The following SUPT3H variants were observed in gnomAD, a reference collection of about 807,000 sequenced individuals.
SUPT3H encodes the protein SPT3 homolog, SAGA and STAGA complex component, also known as transcription initiation protein SPT3 homolog.
SUPT3H carries 44 observed loss-of-function variants against 44.3 expected under a neutral mutation model. The observed-to-expected ratio is 0.99, with a 90% CI of 0.78 to 1.28. The LOEUF (loss-of-function observed/expected upper bound fraction) is 1.28, where lower values mean the gene tolerates loss of function less well. SUPT3H is among the 50% of genes most tolerant of loss of function. SUPT3H has a pLI of 0.00. For missense variants in SUPT3H, 380 were observed against 387.1 expected (o/e 0.98, Z 0.15); for synonymous variants, 124 against 125.6 (o/e 0.99, Z 0.09).
intron 2 of SUPT3H, among the ~76,000 whole-genome samples, chr6:45,210,932 G>GAAAAGGGAGCA (rs1365337484): frequency 1.3e-5 from 2 of 152,202 alleles, no homozygotes; most frequent in East Asian, 3.9e-4. Flanking sequence ...GAAAAGAGAA[G>GAAAAGGGAGCA]AAAAGGGAGC....
intron 2 of SUPT3H, among the ~76,000 whole-genome samples, chr6:45,203,738 T>C (rs1313214286): frequency 6.6e-6 from 1 of 152,214 alleles, no homozygotes; most frequent in African/African-American, 2.4e-5. Context: ...GCCCCAGCCA[T>C]GAAGGACTTC....
intron 2 of SUPT3H, among the ~76,000 whole-genome samples, chr6:45,150,040 G>T (rs1319126669): frequency 6.6e-6 from 1 of 151,658 alleles, no homozygotes; most frequent in Non-Finnish European, 1.5e-5. Context: ...CAGCATCAAT[G>T]TTTTTTTTAA....
chr6:45,221,630 A>G (rs1766073635), intron 2 of SUPT3H, among the ~76,000 whole-genome samples: 1 of 152,154 alleles, frequency 6.6e-6, no homozygotes, highest in Non-Finnish European at 1.5e-5. Context: ...AGAAGACTCA[A>G]CATACTGAAG....
chr6:44,891,068 T>C (rs1328480058), intron 10 of SUPT3H, among the ~76,000 whole-genome samples: 1 of 152,218 alleles, frequency 6.6e-6, no homozygotes, highest in South Asian at 2.1e-4. Flanking sequence ...CCATGGCACA[T>C]GTATACCTAT....
At chr6:45,148,334 G>C (rs2153594536) in intron 2 of SUPT3H, among the ~76,000 whole-genome samples, 1 of 152,228 alleles carries the variant, frequency 6.6e-6, no homozygotes, top group South Asian at 2.1e-4. Flanking sequence ...AAGGCTCTGA[G>C]AGTTAAGTAA....
At chr6:45,027,059 A>G (rs1786138827) in intron 3 of SUPT3H, among the ~76,000 whole-genome samples, 2 of 143,000 alleles carry the variant, frequency 1.4e-5, no homozygotes, top group Admixed American at 7.5e-5. Flanking sequence ...GTGTGATCAC[A>G]GCTCACTGCA....
At chr6:45,096,863 C>T (rs1797853520) in intron 3 of SUPT3H, among the ~76,000 whole-genome samples, 1 of 152,000 alleles carries the variant, frequency 6.6e-6, no homozygotes, top group Admixed American at 6.6e-5. Context: ...CACAGCTTCA[C>T]CTACTTCGAG....
chr6:45,165,737 G>T (rs984661888), intron 2 of SUPT3H, among the ~76,000 whole-genome samples: 1 of 151,888 alleles, frequency 6.6e-6, no homozygotes, highest in Non-Finnish European at 1.5e-5. Flanking sequence ...TAACGGTAAG[G>T]ACATAGCTAA....
intron 10 of SUPT3H, among the ~76,000 whole-genome samples, chr6:44,931,607 T>C (rs1770603908): frequency 6.6e-6 from 1 of 152,116 alleles, no homozygotes; most frequent in South Asian, 2.1e-4. Context: ...TGTTCTTATA[T>C]AAGATAAACT....
intron 3 of SUPT3H, among the ~76,000 whole-genome samples, chr6:45,050,878 AT>A (rs35575281): frequency 0.28 from 23,829 of 85,626 alleles, 1,565 homozygotes; most frequent in Middle Eastern, 0.42. Context: ...AGGGTATGGG[AT>A]TTTTTTTTTT....
At chr6:45,177,898 C>T (rs569131181) in intron 2 of SUPT3H, among the ~76,000 whole-genome samples, 74 of 152,062 alleles carry the variant, frequency 4.9e-4, no homozygotes, top group African/African-American at 1.7e-3. Context: ...CAGGCCTGCC[C>T]TAAAAGAGCT....
At chr6:45,175,109 A>G (rs192698590) in intron 2 of SUPT3H, among the ~76,000 whole-genome samples, 1 of 151,906 alleles carries the variant, frequency 6.6e-6, no homozygotes, top group East Asian at 1.9e-4. Flanking sequence ...TTACTTACAT[A>G]GAACTTCCTA....
chr6:45,286,312 C>A (rs1188724946), intron 2 of SUPT3H, among the ~76,000 whole-genome samples: 1 of 152,034 alleles, frequency 6.6e-6, no homozygotes, highest in African/African-American at 2.4e-5. Flanking sequence ...AACAGGCAAC[C>A]TACAGAATGG....
In SUPT3H at chr6:45,222,426, A is replaced by G. The variant is rs148746599; in HGVS notation, c.102-116420T>C. On this transcript the variant is annotated intron_variant, in intron 2 of 10. Transcript: ENST00000371459. Reference sequence around the variant, plus strand: ...GGAAGATGACATACAGATGGCAAATAAGCACACAAAATGGTGTTCAACATA... The same window carrying G: ...GGAAGATGACATACAGATGGCAAATGAGCACACAAAATGGTGTTCAACATA... Among the ~76,000 whole-genome samples, 445 of 152,280 alleles carry G rather than the reference A, an allele frequency of 2.9e-3. 2 individuals are homozygous for G. The highest frequency in any genetic ancestry group is 4.5e-3 in the Non-Finnish European group (308 of 67,996).
Position 45,365,444 on chromosome 6 carries a change from A to T in SUPT3H, c.1-143T>A, listed in dbSNP as rs1794970893. 5.1e-6 allele frequency: 3 copies of T among 586,114 alleles called. No homozygotes were observed. The Admixed American group carries it at 9.2e-5, about 18-fold the overall frequency. 36.3% of individuals were successfully genotyped at this position (586,114 alleles called of 1,614,324 possible). ...TGTTTTGCACAAAACTGATTCACTT[A>T]TACTTAATGTTCTTTATTAAAATGA... On this transcript the variant is annotated intron_variant, in intron 1 of 10. Transcript: ENST00000371459.
chr6:45,231,753 T>C (rs538986613), intron 2 of SUPT3H, among the ~76,000 whole-genome samples: 2 of 152,336 alleles, frequency 1.3e-5, no homozygotes, highest in South Asian at 4.1e-4. Flanking sequence ...CACTATGTGG[T>C]GTCCATATAT....
At chr6:45,230,683 TA>T (rs1562746920) in intron 2 of SUPT3H, among the ~76,000 whole-genome samples, 1 of 117,660 alleles carries the variant, frequency 8.5e-6, no homozygotes, top group African/African-American at 3.5e-5. Context: ...TATATATATA[TA>T]TATTTTTGAG....
intron 10 of SUPT3H, among the ~76,000 whole-genome samples, chr6:44,917,157 A>G (rs1043912185): frequency 3.9e-5 from 6 of 152,170 alleles, no homozygotes; most frequent in African/African-American, 1.4e-4. Flanking sequence ...CTGTCTCAAA[A>G]AGAAAAAAAA....
intron 10 of SUPT3H, among the ~76,000 whole-genome samples, chr6:44,885,340 C>T (rs184389975): frequency 5.1e-4 from 78 of 152,264 alleles, no homozygotes; most frequent in African/African-American, 1.8e-3. Context: ...CACCTGACCC[C>T]GAGAAGCCTA....
Sources: allele counts gnomAD v4.1 joint callset (sites outside exome capture counted in the v4.1 genomes callset), GRCh38; gene constraint gnomAD v4.1.1; transcripts MANE v1.5; gene names NCBI Gene and HGNC (gene_info 2026-07-23, HGNC 2026-07-21).